Variants in RABL6 observed in about 807,000 individuals in gnomAD.
RABL6 encodes the protein RAB, member RAS oncogene family like 6.
Under a neutral mutation model 72.9 loss-of-function variants are expected in RABL6, and 28 were observed. The ratio of observed to expected loss-of-function variants is 0.38; its 90% CI spans 0.28 to 0.53. RABL6 has a LOEUF of 0.53. Among genes scored for constraint, RABL6 ranks in the 20% least tolerant of loss-of-function variants. The probability of loss-of-function intolerance (pLI) is 0.80; values close to 1 mark genes in which losing one functional copy is unlikely to be tolerated. For synonymous variants in RABL6, 477 were observed against 421.2 expected (o/e 1.13, Z -1.62); for missense variants, 1,029 against 1,008.4 (o/e 1.02, Z -0.28).
chr9:136,813,911 C>G, intron 1 of RABL6: 1 of 315,118 alleles, frequency 3.2e-6, no homozygotes, highest in Non-Finnish European at 6.2e-6. Context: ...CACTGCGCCA[C>G]TGCGCCCAGC....
At chr9:136,821,906 G>T in intron 1 of RABL6, 1 of 1,282,626 alleles carries the variant, frequency 7.8e-7, no homozygotes, top group East Asian at 5.7e-5. Context: ...CCGTGGCCGT[G>T]AGGGCGCCTG....
chr9:136,835,537 G>C (rs1359537052), intron 7 of RABL6: 2 of 538,686 alleles, frequency 3.7e-6, no homozygotes, highest in Admixed American at 6.5e-5. Flanking sequence ...TAGGTGTCGT[G>C]CCGGCCACCG....
intron 5 of RABL6, among the ~76,000 whole-genome samples, chr9:136,831,267 C>T (rs900277690): frequency 1.6e-4 from 24 of 152,192 alleles, no homozygotes; most frequent in Non-Finnish European, 2.9e-4. Flanking sequence ...CCAAACAGCC[C>T]GCTTCACCGG....
chr9:136,839,593 CAT>C, intron 12 of RABL6, 99 bp from the exon 13 acceptor site: 2 of 1,549,938 alleles, frequency 1.3e-6, no homozygotes, highest in Non-Finnish European at 1.7e-6. Context: ...AGAGGCATCT[CAT>C]GTCCCCACAC....
At chr9:136,828,775 C>A (rs768650856) in intron 4 of RABL6, among the ~76,000 whole-genome samples, 2 of 152,186 alleles carry the variant, frequency 1.3e-5, no homozygotes, top group Admixed American at 6.5e-5. Context: ...CCCCTATTTG[C>A]ATTTGAGTGA....
chr9:136,820,242 G>C (rs1359706220), intron 1 of RABL6, among the ~76,000 whole-genome samples: 1 of 150,576 alleles, frequency 6.6e-6, no homozygotes, highest in Admixed American at 6.6e-5. Context: ...GCAGATGTCT[G>C]TAGTCTGAGC....
chr9:136,821,669 G>C, intron 1 of RABL6: 1 of 990,670 alleles, frequency 1.0e-6, no homozygotes, highest in Non-Finnish European at 1.2e-6. Flanking sequence ...CTCCCGCCGC[G>C]CTGGGGCCTG....
intron 4 of RABL6, 64 bp from the exon 5 acceptor site, chr9:136,829,329 C>A: frequency 7.9e-7 from 1 of 1,258,144 alleles, no homozygotes; most frequent in South Asian, 1.3e-5. Flanking sequence ...TTTTCTAAAA[C>A]TGTGGGCCAC....
At chr9:136,815,826 A>G (rs1588348781) in intron 1 of RABL6, among the ~76,000 whole-genome samples, 1 of 152,360 alleles carries the variant, frequency 6.6e-6, no homozygotes, top group East Asian at 1.9e-4. Context: ...TCAGGGTAAG[A>G]AAGGCTCAGG....
In RABL6 at chr9:136,808,077, C is replaced by T; in HGVS notation, c.-120C>T. On this transcript the variant is annotated 5_prime_UTR_variant, in exon 1 of 15. Transcript: ENST00000311502. ...CCGCCGCCGGGACCCCGGCCTCTGGCCGCGCCGGCTCCGGCCTCCGGGGGG... is the reference window on the plus strand; with the variant it reads ...CCGCCGCCGGGACCCCGGCCTCTGGTCGCGCCGGCTCCGGCCTCCGGGGGG... The T allele has an allele frequency of 8.6e-7, 1 of 1,157,538 alleles. No homozygotes were observed. Among genetic ancestry groups the T allele is most frequent in the Non-Finnish European group, 1.1e-6 (1 of 933,564 alleles). 71.7% of individuals were successfully genotyped at this position (1,157,538 alleles called of 1,614,324 possible).
rs1326515315 is a variant in RABL6 at position 136,818,114 on chromosome 9, A to G, written c.131-5411A>G. Among the ~76,000 whole-genome samples, 4 of 149,000 alleles carry G rather than the reference A, an allele frequency of 2.7e-5. No individual in the cohort carries two copies. In the East Asian group the frequency reaches 5.9e-4, roughly 22 times the overall value. On this transcript the variant is annotated intron_variant, in intron 1 of 14. Coordinates refer to ENST00000311502, the MANE Select transcript of RABL6 (RefSeq NM_024718.5). ...CACAGTGGCTCACGCCTGTAATCCCAGCACTTTGGGAGGCCGAGGCGGGCA... is the reference window on the plus strand; with the variant it reads ...CACAGTGGCTCACGCCTGTAATCCCGGCACTTTGGGAGGCCGAGGCGGGCA...
rs1268838245 is a variant in RABL6, at chr9:136,837,914, T to C, written c.1179T>C (p.Phe393=). Reference sequence around the variant, plus strand: ...CAACGGTCCAGAGTGTGGAGGACTTTGTTCCTGACGACCGCCTGGACCGCA... The same window carrying C: ...CAACGGTCCAGAGTGTGGAGGACTTCGTTCCTGACGACCGCCTGGACCGCA... ...GPATVQSVED[F]VPDDRLDRSF... Residue 393 remains phenylalanine (F), a synonymous_variant, in exon 10 of 15, where the codon TTT becomes TTC. Coordinates refer to ENST00000311502, the MANE Select transcript of RABL6 (RefSeq NM_024718.5). The C allele has an allele frequency of 1.9e-6, 3 of 1,552,854 alleles. No homozygotes were observed. The highest frequency in any genetic ancestry group is 2.7e-5 in the African/African-American group (2 of 73,278).
chr9:136,814,374 G>C (rs967128727), intron 1 of RABL6: 1 of 160,284 alleles, frequency 6.2e-6, no homozygotes, highest in Non-Finnish European at 1.4e-5. Flanking sequence ...TAGAGACAGG[G>C]TTTCATTATG....
rs778045141 is a variant in RABL6, at chr9:136,837,902, T to C, written c.1167T>C (p.Ser389=). The C allele has an allele frequency of 5.2e-6, 8 of 1,551,020 alleles. No homozygotes were observed. The highest frequency in any genetic ancestry group is 1.4e-5 in the African/African-American group (1 of 72,954). ...PAAEGPATVQ[S]VEDFVPDDRL... Reference sequence around the variant, plus strand: ...CAGAGGGCCCAGCAACGGTCCAGAGTGTGGAGGACTTTGTTCCTGACGACC... The same window carrying C: ...CAGAGGGCCCAGCAACGGTCCAGAGCGTGGAGGACTTTGTTCCTGACGACC... Residue 389 remains serine, a synonymous_variant, in exon 10 of 15, where the codon AGT becomes AGC. Coordinates refer to ENST00000311502, the MANE Select transcript of RABL6 (RefSeq NM_024718.5).
chr9:136,820,947 C>T (rs1484785871), intron 1 of RABL6, among the ~76,000 whole-genome samples: 1 of 152,162 alleles, frequency 6.6e-6, no homozygotes. Context: ...AAGATGTTCT[C>T]AAGCCGTGGA....
intron 6 of RABL6, 176 bp from the exon 7 acceptor site, chr9:136,832,089 C>T: frequency 4.5e-6 from 4 of 879,808 alleles, no homozygotes; most frequent in Non-Finnish European, 6.8e-6. Flanking sequence ...ACTGTGGGGT[C>T]ACCTGCAGAA....
chr9:136,836,093 C>G (rs866141127), intron 8 of RABL6: 1 of 417,250 alleles, frequency 2.4e-6, no homozygotes, highest in African/African-American at 2.0e-5. Flanking sequence ...TACCGCTGAC[C>G]GTGGCCAGGT....
At chr9:136,829,553 G>C (rs1195722689) in intron 5 of RABL6, 69 bp downstream of exon 5, 12 of 1,345,528 alleles carry the variant, frequency 8.9e-6, no homozygotes, top group Non-Finnish European at 1.1e-5. Flanking sequence ...CGCCCTCTTT[G>C]TGCAGCAGAT....
intron 7 of RABL6, chr9:136,832,895 G>T: frequency 6.2e-6 from 2 of 324,452 alleles, no homozygotes; most frequent in Non-Finnish European, 1.2e-5. Flanking sequence ...CAAGGGCCAG[G>T]CCAGCTGTGG....
Sources: allele counts gnomAD v4.1 joint callset (sites outside exome capture counted in the v4.1 genomes callset), GRCh38; gene constraint gnomAD v4.1.1; transcripts MANE v1.5; gene names NCBI Gene and HGNC (gene_info 2026-07-23, HGNC 2026-07-21).